The following BACE2 variants were observed in gnomAD, a reference collection of about 807,000 sequenced individuals.
BACE2 encodes 56 kDa aspartic-like protease.
A neutral mutation model predicts 46.2 loss-of-function variants in BACE2; 17 were observed. That is an observed-to-expected ratio of 0.37 (90% CI 0.25 to 0.55). The LOEUF is 0.55. BACE2 is among the 20% of genes least tolerant of loss of function. The pLI is 0.82. For synonymous variants in BACE2, 277 were observed against 295.9 expected (o/e 0.94, Z 0.66); for missense variants, 595 against 698.1 (o/e 0.85, Z 1.66).
At chr21:41,175,103 C>T (rs945569688) in intron 1 of BACE2, 1 of 152,094 alleles carries the variant, frequency 6.6e-6, no homozygotes, top group Admixed American at 6.5e-5. Context: ...AAAGTGGTCA[C>T]TTTTTTGCTC....
At chr21:41,233,834 G>A (rs377765428) in intron 2 of BACE2, among the ~76,000 whole-genome samples, 23 of 152,294 alleles carry the variant, frequency 1.5e-4, no homozygotes, top group African/African-American at 5.1e-4. Context: ...GGTGGCATGC[G>A]CCTGTAATCC....
intron 8 of BACE2, among the ~76,000 whole-genome samples, chr21:41,274,373 G>A (rs2088463153): frequency 6.6e-6 from 1 of 152,142 alleles, no homozygotes; most frequent in African/African-American, 2.4e-5. Flanking sequence ...CAGTCAAAAA[G>A]GGTATTATTT....
intron 1 of BACE2, among the ~76,000 whole-genome samples, chr21:41,219,235 G>T (rs2123560929): frequency 6.6e-6 from 1 of 152,240 alleles, no homozygotes; most frequent in Middle Eastern, 3.4e-3. Context: ...ATCAAGAGAA[G>T]AGGTTAAGAT....
intron 1 of BACE2, chr21:41,177,137 CTG>C (rs1349037569): frequency 2.6e-5 from 4 of 152,222 alleles, no homozygotes; most frequent in Admixed American, 6.5e-5. Flanking sequence ...TACTATTGGG[CTG>C]TGTTTTGCCC....
chr21:41,174,890 C>T (rs766850), intron 1 of BACE2, among the ~76,000 whole-genome samples: 54,707 of 151,998 alleles, frequency 0.36, 14,823 homozygotes, highest in African/African-American at 0.77. Context: ...AGATACTACC[C>T]GGACAATAGG....
intron 5 of BACE2, among the ~76,000 whole-genome samples, chr21:41,244,144 A>T (rs1459394098): frequency 6.6e-6 from 1 of 152,236 alleles, no homozygotes; most frequent in African/African-American, 2.4e-5. Flanking sequence ...AGTCTTCTAT[A>T]GCACTTTTAG....
intron 1 of BACE2, among the ~76,000 whole-genome samples, chr21:41,174,139 C>CTTTTTTTTTTTTTTTT (rs1328562900): frequency 1.0e-4 from 5 of 48,494 alleles, no homozygotes; most frequent in African/African-American, 6.2e-4. Flanking sequence ...GATCAGTGGC[C>CTTTTTTTTTTTTTTTT]TTTTTTTTTT....
At chr21:41,170,976 C>A (rs910952843) in intron 1 of BACE2, among the ~76,000 whole-genome samples, 3 of 152,156 alleles carry the variant, frequency 2.0e-5, no homozygotes, top group Non-Finnish European at 2.9e-5. Context: ...GAATGACTTT[C>A]CAGGGCAACA....
At chr21:41,172,116 T>C (rs991540625) in intron 1 of BACE2, among the ~76,000 whole-genome samples, 2 of 152,174 alleles carry the variant, frequency 1.3e-5, no homozygotes, top group African/African-American at 4.8e-5. Context: ...AATGGTAAAC[T>C]ATTAAAGACA....
rs144946094 is a variant in BACE2 at position 41,193,435 on chromosome 21, T to A, written c.312+24860T>A. Among the ~76,000 whole-genome samples, 721 of 152,370 alleles carry A rather than the reference T, an allele frequency of 4.7e-3. 4 individuals are homozygous for A. The highest frequency in any genetic ancestry group is 0.016 in the African/African-American group (681 of 41,586). ...ACTGTCATTCTCCAAGATCCGTCTG[T>A]CTTCTGCACAGGCCAGATGGGAGAG... On this transcript the variant is annotated intron_variant, in intron 1 of 8. Coordinates refer to ENST00000330333, the MANE Select transcript of BACE2 (RefSeq NM_012105.5). The surrounding 1 kb of genome is among the most constrained non-coding windows in gnomAD (Gnocchi z 4.2).
chr21:41,220,732 A>G (rs955180434), intron 1 of BACE2, among the ~76,000 whole-genome samples: 26 of 150,880 alleles, frequency 1.7e-4, no homozygotes, highest in African/African-American at 6.3e-4. Flanking sequence ...ATATATTTTT[A>G]TATATGTGAG....
At position 41,186,987 on chromosome 21, in the gene BACE2, T is replaced by C. The variant is rs565664486; in HGVS notation, c.312+18412T>C. 1.1e-4 allele frequency among the ~76,000 whole-genome samples: 16 copies of C among 152,352 alleles called. No individual in the cohort carries two copies. The East Asian group carries it at 1.5e-3, about 15-fold the overall frequency. On this transcript the variant is annotated intron_variant, in intron 1 of 8. Transcript: ENST00000330333. ...ATGGCATGCTGGTGGGTGTGTCCTA[T>C]GGAAAACTGCATCTGCCCTGACCTG... is the stretch of plus-strand genomic sequence containing the variant.
At chr21:41,221,224 G>A (rs1430904706) in intron 1 of BACE2, among the ~76,000 whole-genome samples, 1 of 152,098 alleles carries the variant, frequency 6.6e-6, no homozygotes, top group East Asian at 1.9e-4. Flanking sequence ...AAAACACAGG[G>A]GTGTGACCAC....
At position 41,278,770 on chromosome 21, in the gene BACE2, G is replaced by A. The variant is rs962603707; in HGVS notation, c.*3146G>A. ...AAACTTGTTAAATTCCTCTTTCCCTGTCCCTGCTTGGTGGAGCTGCCACGT... is the reference window on the plus strand; with the variant it reads ...AAACTTGTTAAATTCCTCTTTCCCTATCCCTGCTTGGTGGAGCTGCCACGT... On this transcript the variant is annotated 3_prime_UTR_variant, in exon 9 of 9. Transcript: ENST00000330333. 1 of 152,116 alleles carries A rather than the reference G, an allele frequency of 6.6e-6. No homozygotes were observed. Among genetic ancestry groups the A allele is most frequent in the Non-Finnish European group, 1.5e-5 (1 of 68,032 alleles). 9.4% of individuals were successfully genotyped at this position (152,116 alleles called of 1,614,324 possible).
chr21:41,225,212 C>G (rs1485696608), intron 1 of BACE2, among the ~76,000 whole-genome samples: 3 of 146,586 alleles, frequency 2.0e-5, no homozygotes, highest in African/African-American at 7.6e-5. Context: ...CCAGCCTGAA[C>G]GATAGAGCGA....
chr21:41,199,884 A>G (rs1184387013), intron 1 of BACE2, among the ~76,000 whole-genome samples: 1 of 151,652 alleles, frequency 6.6e-6, no homozygotes, highest in African/African-American at 2.4e-5. Flanking sequence ...TCTTCTTCCC[A>G]CCTATGAGTG....
intron 2 of BACE2, among the ~76,000 whole-genome samples, chr21:41,235,831 A>G (rs1399584528): frequency 6.6e-6 from 1 of 151,864 alleles, no homozygotes; most frequent in African/African-American, 2.4e-5. Context: ...ACAGAGCAAG[A>G]CCTTTTCTTT....
intron 8 of BACE2, among the ~76,000 whole-genome samples, chr21:41,259,628 C>G (rs1258542624): frequency 2.7e-5 from 4 of 150,778 alleles, no homozygotes; most frequent in South Asian, 2.1e-4. Context: ...CACCCCACCC[C>G]CTCCCCCAGC....
chr21:41,199,922 C>A (rs1985897245), intron 1 of BACE2, among the ~76,000 whole-genome samples: 1 of 151,726 alleles, frequency 6.6e-6, no homozygotes. Flanking sequence ...GTTTTTTGTC[C>A]TTGCGACAGT....
Sources: allele counts gnomAD v4.1 joint callset (sites outside exome capture counted in the v4.1 genomes callset), GRCh38; gene constraint gnomAD v4.1.1; non-coding constraint Gnocchi (gnomAD v3.1); transcripts MANE v1.5; gene names NCBI Gene and HGNC (gene_info 2026-07-23, HGNC 2026-07-21).